TMEM135: variants seen among roughly 807,000 people sequenced by gnomAD.
The protein encoded by TMEM135 is peroxisomal membrane protein 52.
TMEM135 carries 30 observed loss-of-function variants against 60.3 expected under a neutral mutation model. That is an observed-to-expected ratio of 0.50 (90% CI 0.37 to 0.68). TMEM135 has a LOEUF of 0.68. TMEM135 is among the 30% of genes least tolerant of loss of function. The pLI, the probability that TMEM135 is intolerant of heterozygous loss-of-function variation, is 0.00. For synonymous variants in TMEM135, 190 were observed against 186.7 expected (o/e 1.02, Z -0.14); for missense variants, 468 against 548.8 (o/e 0.85, Z 1.47).
rs556621899 is a variant in TMEM135 at position 87,249,803 on chromosome 11, A to G, written c.509+13119A>G. On this transcript the variant is annotated intron_variant, in intron 6 of 14. Coordinates refer to ENST00000305494, the MANE Select transcript of TMEM135 (RefSeq NM_022918.4). ...TTTTATTGCTATGTGTTTGGTTTTG[A>G]TATCAGGGTACTATTGTCCTCATAG... Among the ~76,000 whole-genome samples the G allele has an allele frequency of 2.5e-3, 377 of 152,132 alleles. 4 individuals carry two copies. The highest frequency in any genetic ancestry group is 3.9e-3 in the Non-Finnish European group (265 of 67,916).
At chr11:87,290,567 ATTGT>A (rs905504756) in intron 6 of TMEM135, among the ~76,000 whole-genome samples, 5 of 152,180 alleles carry the variant, frequency 3.3e-5, no homozygotes, top group South Asian at 2.1e-4. Context: ...TGTGGGTAGA[ATTGT>A]TTATTTTACT....
intron 3 of TMEM135, among the ~76,000 whole-genome samples, chr11:87,074,210 C>A (rs900707466): frequency 1.3e-5 from 2 of 152,226 alleles, no homozygotes; most frequent in African/African-American, 4.8e-5. Context: ...AGGTGATCAG[C>A]CTGCCTCAGC....
chr11:87,306,102 G>A, intron 9 of TMEM135, 97 bp downstream of exon 9: 2 of 721,796 alleles, frequency 2.8e-6, no homozygotes, highest in Non-Finnish European at 4.1e-6. Flanking sequence ...TGGAAAAGTT[G>A]ACATTAATAA....
At chr11:87,039,245 T>G (rs1042950667) in intron 1 of TMEM135, among the ~76,000 whole-genome samples, 1 of 152,234 alleles carries the variant, frequency 6.6e-6, no homozygotes, top group Non-Finnish European at 1.5e-5. Context: ...AGGTGATGAC[T>G]TTGTTTGAGG....
At chr11:87,151,635 G>A (rs1281772287) in intron 4 of TMEM135, among the ~76,000 whole-genome samples, 1 of 150,852 alleles carries the variant, frequency 6.6e-6, no homozygotes, top group Non-Finnish European at 1.5e-5. Flanking sequence ...CCAAAAGTTA[G>A]CATCTACCTA....
At chr11:87,245,694 C>T (rs1306872389) in intron 6 of TMEM135, among the ~76,000 whole-genome samples, 7 of 128,666 alleles carry the variant, frequency 5.4e-5, no homozygotes, top group East Asian at 2.0e-4. Flanking sequence ...TTTTGTTTTC[C>T]ATTTGCTTGG....
At chr11:87,175,055 A>G (rs952423772) in intron 5 of TMEM135, among the ~76,000 whole-genome samples, 1 of 152,164 alleles carries the variant, frequency 6.6e-6, no homozygotes, top group Non-Finnish European at 1.5e-5. Flanking sequence ...TTGCTCATGT[A>G]GAAGAAATGT....
intron 4 of TMEM135, among the ~76,000 whole-genome samples, chr11:87,112,097 T>C (rs187222702): frequency 1.1e-3 from 168 of 152,224 alleles, no homozygotes; most frequent in African/African-American, 3.9e-3. Flanking sequence ...TTATTTATGG[T>C]TTTTTAATTA....
chr11:87,076,703 T>C (rs1412428031), intron 3 of TMEM135, among the ~76,000 whole-genome samples: 1 of 152,204 alleles, frequency 6.6e-6, no homozygotes, highest in Non-Finnish European at 1.5e-5. Context: ...TCCTTGGGTA[T>C]CGCTCCTAAT....
At chr11:87,198,725 A>G (rs577231837) in intron 5 of TMEM135, among the ~76,000 whole-genome samples, 2 of 146,794 alleles carry the variant, frequency 1.4e-5, no homozygotes, top group South Asian at 4.3e-4. Context: ...TTTGCAATGG[A>G]TGAGCAAGTG....
At chr11:87,232,531 A>G (rs1247037968) in intron 5 of TMEM135, among the ~76,000 whole-genome samples, 3 of 152,100 alleles carry the variant, frequency 2.0e-5, no homozygotes, top group African/African-American at 7.2e-5. Flanking sequence ...AACCACTGAA[A>G]CAGAATGATC....
chr11:87,258,911 G>C (rs1220658654), intron 6 of TMEM135: 1 of 1,247,194 alleles, frequency 8.0e-7, no homozygotes, highest in Non-Finnish European at 1.2e-6. Flanking sequence ...CCTGTGTTAG[G>C]CCCTAGAAGT....
intron 5 of TMEM135, among the ~76,000 whole-genome samples, chr11:87,234,732 C>G (rs947179707): frequency 1.3e-5 from 2 of 151,992 alleles, no homozygotes; most frequent in Non-Finnish European, 1.5e-5. Context: ...TTACCCAGAA[C>G]TAAGATTCAA....
rs1377798962 is a variant in TMEM135 at position 87,244,209 on chromosome 11, T to A, written c.509+7525T>A. 5.9e-5 allele frequency among the ~76,000 whole-genome samples: 4 copies of A among 67,296 alleles called. 2 individuals are homozygous for A. The highest frequency in any genetic ancestry group is 1.4e-4 in the Non-Finnish European group (4 of 29,372). 44.1% of individuals were successfully genotyped at this position (67,296 alleles called of 152,430 possible). ...CATCCCAGGGATGAAGCCCACTTGA[T>A]CATGGTGGATAAGCTTTTTGATGTG... On this transcript the variant is annotated intron_variant, in intron 6 of 14. Coordinates refer to ENST00000305494, the MANE Select transcript of TMEM135 (RefSeq NM_022918.4).
At chr11:87,072,253 AGCATTTCACACT>A (rs1856785742) in intron 3 of TMEM135, among the ~76,000 whole-genome samples, 1 of 152,196 alleles carries the variant, frequency 6.6e-6, no homozygotes, top group Admixed American at 6.5e-5. Flanking sequence ...TAGCCATAAT[AGCATTTCACACT>A]TAAGAAAATT....
chr11:87,264,758 C>CA (rs1316208853), intron 6 of TMEM135, among the ~76,000 whole-genome samples: 1 of 151,672 alleles, frequency 6.6e-6, no homozygotes, highest in Non-Finnish European at 1.5e-5. Context: ...TCAATAAAGT[C>CA]AAAAAAATCT....
At chr11:87,150,888 C>T (rs1055671666) in intron 4 of TMEM135, among the ~76,000 whole-genome samples, 4 of 151,924 alleles carry the variant, frequency 2.6e-5, no homozygotes, top group Non-Finnish European at 5.9e-5. Context: ...CTGCTTGTGG[C>T]CGTAGGTAGA....
chr11:87,258,765 A>AG, intron 6 of TMEM135: 5 of 473,760 alleles, frequency 1.1e-5, no homozygotes, highest in South Asian at 1.0e-4. Context: ...CAAAGTTAAA[A>AG]AAAAATCCAA....
intron 5 of TMEM135, among the ~76,000 whole-genome samples, chr11:87,181,185 C>A (rs1157003842): frequency 6.6e-6 from 1 of 151,872 alleles, no homozygotes; most frequent in East Asian, 1.9e-4. Context: ...TACTAAAATA[C>A]CTAAAAATGT....
Sources: gnomAD v4.1 joint callset for allele counts (sites outside exome capture counted in the v4.1 genomes callset) on GRCh38, gnomAD v4.1.1 for gene constraint, MANE v1.5 for transcripts, NCBI Gene and HGNC (gene_info 2026-07-23, HGNC 2026-07-21) for gene names.